SCN8A: variants seen among roughly 807,000 people sequenced by gnomAD.
The protein encoded by SCN8A is sodium voltage-gated channel alpha subunit 8.
SCN8A carries 30 observed loss-of-function variants against 184.1 expected under a neutral mutation model. The ratio of observed to expected loss-of-function variants is 0.16; its 90% CI spans 0.12 to 0.22. The LOEUF (loss-of-function observed/expected upper bound fraction) is 0.22. Among genes scored for constraint, SCN8A ranks in the 10% least tolerant of loss-of-function variants. The pLI, the probability that SCN8A is intolerant of heterozygous loss-of-function variation, is 1.00. For synonymous variants in SCN8A, 852 were observed against 907.0 expected, an observed-to-expected ratio of 0.94 and a Z score of 1.09; for missense variants, 1,057 against 2,498.9, an observed-to-expected ratio of 0.42 and a Z score of 12.30.
At chr12:51,761,010 T>G (rs1446269333) in intron 14 of SCN8A, among the ~76,000 whole-genome samples, 1 of 152,348 alleles carries the variant, frequency 6.6e-6, no homozygotes, top group South Asian at 2.1e-4. Context: ...TTAAACTGTT[T>G]CATGTGGAAA....
intron 13 of SCN8A, among the ~76,000 whole-genome samples, chr12:51,748,785 A>G (rs991814429): frequency 2.0e-5 from 3 of 152,054 alleles, no homozygotes; most frequent in African/African-American, 7.2e-5. Flanking sequence ...TGTGGCAGTA[A>G]CCTTAGTGAG....
At chr12:51,714,968 C>T (rs1160575640) in intron 11 of SCN8A, among the ~76,000 whole-genome samples, 1 of 152,120 alleles carries the variant, frequency 6.6e-6, no homozygotes, top group Non-Finnish European at 1.5e-5. Context: ...CACAGGATCC[C>T]AGGATTTAAT....
intron 26 of SCN8A, among the ~76,000 whole-genome samples, chr12:51,796,935 G>A (rs900836657): frequency 1.3e-5 from 2 of 152,164 alleles, no homozygotes; most frequent in Admixed American, 6.5e-5. Flanking sequence ...GCTGGCAGCC[G>A]ATTAGATGGT....
chr12:51,732,172 A>G (rs528934081), intron 12 of SCN8A, among the ~76,000 whole-genome samples: 2 of 152,256 alleles, frequency 1.3e-5, no homozygotes, highest in East Asian at 1.9e-4. Flanking sequence ...AGTTTCCTCA[A>G]TGTTGTCTTA....
chr12:51,732,582 GA>G, intron 12 of SCN8A, among the ~76,000 whole-genome samples: 1 of 152,098 alleles, frequency 6.6e-6, no homozygotes, highest in Middle Eastern at 3.4e-3. Flanking sequence ...TAAATTTTAG[GA>G]TTTTTTTTCT....
chr12:51,678,533 A>G (rs894418877), intron 2 of SCN8A, among the ~76,000 whole-genome samples: 15 of 152,240 alleles, frequency 9.9e-5, no homozygotes, highest in African/African-American at 3.4e-4. Flanking sequence ...AAAGGACCTG[A>G]GTATGCCCAT....
chr12:51,599,903 G>A lies in SCN8A; in HGVS notation c.-55+8544G>A, dbSNP rs1334889609. 2.6e-5 allele frequency among the ~76,000 whole-genome samples: 4 copies of A among 152,328 alleles called. No individual in the cohort carries two copies. The South Asian group carries it at 6.2e-4, about 24-fold the overall frequency. On this transcript the variant is annotated intron_variant, in intron 1 of 26. Coordinates refer to ENST00000627620, the MANE Select transcript of SCN8A (RefSeq NM_001330260.2). ...GAACTCAGTGAATGACTTTACATGG[G>A]AGAAAAGGGAGAGGGAATAAAGATT... is the stretch of plus-strand genomic sequence containing the variant.
chr12:51,713,084 C>G (rs748071330), intron 11 of SCN8A: 20 of 1,357,380 alleles, frequency 1.5e-5, no homozygotes, highest in Non-Finnish European at 2.0e-5. Flanking sequence ...TCATGATCAT[C>G]AAAAGTTACA....
rs1302495767 is a variant in SCN8A at position 51,699,622 on chromosome 12, T to C, written c.759T>C (p.Asp253=). The change falls in exon 7 of 27, where the codon GAT becomes GAC. Residue 253 remains aspartate (D), a synonymous_variant. Coordinates refer to ENST00000627620, the MANE Select transcript of SCN8A (RefSeq NM_001330260.2). ...ALIQSVKKLS[D]VMILTVFCLS... The stretch of plus-strand genomic sequence containing the variant: ...TTCAGTCTGTGAAGAAACTGTCAGA[T>C]GTGATGATCCTGACAGTGTTCTGCC... 6.2e-7 allele frequency: 1 copy of C among 1,614,030 alleles called. No individual in the cohort carries two copies. The highest frequency in any genetic ancestry group is 1.7e-5 in the Admixed American group (1 of 60,022).
intron 20 of SCN8A, among the ~76,000 whole-genome samples, chr12:51,779,377 C>G (rs948953197): frequency 2.6e-5 from 4 of 152,170 alleles, no homozygotes; most frequent in African/African-American, 9.7e-5. Context: ...GAGAAAGCAT[C>G]GTGGTAACTG....
intron 14 of SCN8A, among the ~76,000 whole-genome samples, chr12:51,755,944 G>T (rs1942666746): frequency 6.6e-6 from 1 of 151,452 alleles, no homozygotes; most frequent in South Asian, 2.1e-4. Flanking sequence ...ATAGGCTCTG[G>T]GTGCCCCCCA....
intron 13 of SCN8A, among the ~76,000 whole-genome samples, chr12:51,747,965 A>C (rs2138832657): frequency 6.6e-6 from 1 of 152,222 alleles, no homozygotes; most frequent in Admixed American, 6.5e-5. Context: ...CTCTTTCCTA[A>C]GCCCTGATTT....
chr12:51,645,001 G>A (rs1459912150), intron 1 of SCN8A, among the ~76,000 whole-genome samples: 4 of 151,752 alleles, frequency 2.6e-5, no homozygotes, highest in Admixed American at 6.6e-5. Flanking sequence ...ATCTCCGCCC[G>A]GCAGCCACCT....
Position 51,807,603 on chromosome 12 carries a change from CA to C in SCN8A, c.*176del. ...AGCTGCATCTTGAGCAGTGACCTGC[CA>C]AGGGCAAAGGACCCCGCTCCCTAGA... On this transcript the variant is annotated 3_prime_UTR_variant, in exon 27 of 27. Transcript: ENST00000627620. The surrounding 1 kb of genome is among the most constrained non-coding windows in gnomAD (Gnocchi z 4.5). 1.4e-6 allele frequency: 1 copy of C among 719,470 alleles called. No homozygotes were observed. The highest frequency in any genetic ancestry group is 1.9e-5 in the South Asian group (1 of 53,066). The allele number at this position is 719,470 out of a possible 1,614,324, so 44.6% of individuals were successfully genotyped here. A position where few individuals can be genotyped will look rare whatever the true frequency, so the allele number is the denominator to read the frequency against.
chr12:51,741,826 C>T (rs1185808844), intron 12 of SCN8A, among the ~76,000 whole-genome samples: 10 of 152,008 alleles, frequency 6.6e-5, no homozygotes, highest in African/African-American at 2.4e-4. Flanking sequence ...AGCCTCAGCC[C>T]CCCAAGTAGC....
At chr12:51,718,133 G>A (rs1007777137) in intron 11 of SCN8A, among the ~76,000 whole-genome samples, 15 of 152,118 alleles carry the variant, frequency 9.9e-5, no homozygotes, top group Non-Finnish European at 2.2e-4. Context: ...CCAACAAAAA[G>A]ATAAGGGCAG....
chr12:51,738,064 A>AGG (rs1412885609), intron 12 of SCN8A, among the ~76,000 whole-genome samples: 1 of 152,242 alleles, frequency 6.6e-6, no homozygotes, highest in Non-Finnish European at 1.5e-5. Flanking sequence ...CTGGAGGCTT[A>AGG]ACAATGGCCG....
At position 51,759,002 on chromosome 12, in the gene SCN8A, A is replaced by G. The variant is rs199881215; in HGVS notation, c.2371-3501A>G. Among the ~76,000 whole-genome samples, 1,096 of 140,506 alleles carry G rather than the reference A, an allele frequency of 7.8e-3. 4 individuals carry two copies. Among genetic ancestry groups the G allele is most frequent in the African/African-American group, 0.018 (613 of 33,280 alleles). 92.2% of individuals were successfully genotyped at this position (140,506 alleles called of 152,430 possible). On this transcript the variant is annotated intron_variant, in intron 14 of 26. Coordinates refer to ENST00000627620, the MANE Select transcript of SCN8A (RefSeq NM_001330260.2). ...TATGTATATGTGTGTGTGTGTGTGT[A>G]TATATATATATACGTGTGTGTATAT...
chr12:51,626,749 C>T (rs1940086975), intron 1 of SCN8A, among the ~76,000 whole-genome samples: 1 of 151,560 alleles, frequency 6.6e-6, no homozygotes, highest in Non-Finnish European at 1.5e-5. Flanking sequence ...ACCTCTCCCA[C>T]CTCCACTCTC....
Sources: allele counts gnomAD v4.1 joint callset (sites outside exome capture counted in the v4.1 genomes callset), GRCh38; gene constraint gnomAD v4.1.1; non-coding constraint Gnocchi (gnomAD v3.1); transcripts MANE v1.5; gene names NCBI Gene and HGNC (gene_info 2026-07-23, HGNC 2026-07-21).